The following TRARG1 variants were observed in gnomAD, a reference collection of about 807,000 sequenced individuals.
The protein encoded by TRARG1 is trafficking regulator of GLUT4 1.
In TRARG1, 16 loss-of-function variants were observed where a neutral mutation model predicts 13.3. That is an observed-to-expected ratio of 1.20 (90% CI 0.81 to 1.83). The LOEUF is 1.83. Ranked by LOEUF, TRARG1 falls within the 40% of genes most tolerant of loss-of-function variation. The probability of loss-of-function intolerance (pLI) is 0.00; values close to 1 mark genes in which losing one functional copy is unlikely to be tolerated. For missense variants in TRARG1, 250 were observed against 237.4 expected, an observed-to-expected ratio of 1.05 and a Z score of -0.35; for synonymous variants, 113 against 106.2, an observed-to-expected ratio of 1.06 and a Z score of -0.39.
chr17:1,291,684 A>G (rs1174914583), intron 1 of TRARG1, among the ~76,000 whole-genome samples: 1 of 152,158 alleles, frequency 6.6e-6, no homozygotes, highest in African/African-American at 2.4e-5. Flanking sequence ...AGCACGAGAT[A>G]CACGTTCAAA....
Position 1,294,373 on chromosome 17 carries a change from C to T in TRARG1, c.388-1118C>T, listed in dbSNP as rs1474355551. 3.9e-5 allele frequency among the ~76,000 whole-genome samples: 6 copies of T among 152,052 alleles called. No homozygotes were observed. In the South Asian group the frequency reaches 8.3e-4, roughly 21 times the overall value. On this transcript the variant is annotated intron_variant, in intron 1 of 2. Coordinates refer to ENST00000333813, the MANE Select transcript of TRARG1 (RefSeq NM_172367.3). ...CAGTCCTGGTCTCCCCAGGCAACCA[C>T]GAGGCCATTCATTCTTTTGTGTGAT... is the stretch of plus-strand genomic sequence containing the variant.
intron 1 of TRARG1, among the ~76,000 whole-genome samples, chr17:1,282,280 A>ATGTGCATATGCGTATATG (rs1567928319): frequency 6.8e-6 from 1 of 147,412 alleles, no homozygotes; most frequent in African/African-American, 2.7e-5. Context: ...ATGCACGTAT[A>ATGTGCATATGCGTATATG]TGTACATATA....
rs190391775 is a variant in TRARG1 at position 1,296,703 on chromosome 17, G to T, written c.520+1080G>T. On this transcript the variant is annotated intron_variant, in intron 2 of 2. Transcript: ENST00000333813. The stretch of plus-strand genomic sequence containing the variant: ...ATTTTGTATTTTTAGTAGAGATGGG[G>T]TTTCATCATATCAGTCAGGCTGGTC... Among the ~76,000 whole-genome samples the T allele has an allele frequency of 3.1e-3, 476 of 152,032 alleles. 4 individuals are homozygous for T. The highest frequency in any genetic ancestry group is 0.011 in the African/African-American group (450 of 41,478).
chr17:1,285,432 C>G (rs1033684467), intron 1 of TRARG1, among the ~76,000 whole-genome samples: 4 of 148,970 alleles, frequency 2.7e-5, no homozygotes, highest in Admixed American at 6.7e-5. Flanking sequence ...GAGGGCTGGG[C>G]TCAGTGGCTC....
Position 1,279,968 on chromosome 17 carries a change from C to T in TRARG1, c.-34C>T. ...GTCCCTCCAGAGCCCCTTGTCCCAG[C>T]CTGGAGCTGCAGCCGCGCAAGGCCC... On this transcript the variant is annotated 5_prime_UTR_variant, in exon 1 of 3. Transcript: ENST00000333813. 2 of 1,581,060 alleles carry T rather than the reference C, an allele frequency of 1.3e-6. No individual in the cohort carries two copies. Among genetic ancestry groups the T allele is most frequent in the Non-Finnish European group, 1.7e-6 (2 of 1,162,708 alleles).
chr17:1,283,936 C>A (rs2072002215), intron 1 of TRARG1, among the ~76,000 whole-genome samples: 1 of 151,928 alleles, frequency 6.6e-6, no homozygotes, highest in Non-Finnish European at 1.5e-5. Context: ...CACGGTGAAT[C>A]CCCATCTCTA....
chr17:1,293,880 A>G (rs752596076), intron 1 of TRARG1, among the ~76,000 whole-genome samples: 3 of 152,140 alleles, frequency 2.0e-5, no homozygotes, highest in Non-Finnish European at 2.9e-5. Flanking sequence ...TCTGACACTC[A>G]GTTTCTTCCT....
chr17:1,292,636 G>C (rs62091062), intron 1 of TRARG1, among the ~76,000 whole-genome samples: 9,158 of 152,268 alleles, frequency 0.06, 387 homozygotes, highest in Middle Eastern at 0.092. Context: ...TGTTATCTCT[G>C]CCTGGGATAC....
intron 2 of TRARG1, 28 bp from the exon 3 acceptor site, chr17:1,298,223 C>G: frequency 6.2e-7 from 1 of 1,613,724 alleles, no homozygotes; most frequent in East Asian, 2.2e-5. Context: ...GAGCCCTGTT[C>G]TGCCATATCT....
At chr17:1,283,398 A>G (rs2071997732) in intron 1 of TRARG1, among the ~76,000 whole-genome samples, 1 of 152,178 alleles carries the variant, frequency 6.6e-6, no homozygotes, top group Non-Finnish European at 1.5e-5. Flanking sequence ...TGTTTTAGAA[A>G]TGGCTTTGTT....
At chr17:1,288,786 C>T (rs192950607) in intron 1 of TRARG1, among the ~76,000 whole-genome samples, 3 of 25,734 alleles carry the variant, frequency 1.2e-4, no homozygotes, top group African/African-American at 1.8e-4. Flanking sequence ...CACGGGCTCC[C>T]CATCCCCCTC....
chr17:1,282,057 T>TACATGTATAC (rs1555630757), intron 1 of TRARG1, among the ~76,000 whole-genome samples: 1 of 63,918 alleles, frequency 1.6e-5, no homozygotes, highest in Non-Finnish European at 3.1e-5. Flanking sequence ...TACACATATG[T>TACATGTATAC]ACATGTATAC....
At chr17:1,283,298 C>A (rs949016639) in intron 1 of TRARG1, among the ~76,000 whole-genome samples, 14 of 152,124 alleles carry the variant, frequency 9.2e-5, no homozygotes, top group African/African-American at 2.9e-4. Context: ...TGCTTCAGAA[C>A]AACACCAGGA....
At chr17:1,282,014 A>G (rs906026614) in intron 1 of TRARG1, among the ~76,000 whole-genome samples, 3 of 145,800 alleles carry the variant, frequency 2.1e-5, no homozygotes, top group African/African-American at 7.6e-5. Flanking sequence ...ACACATATGT[A>G]CATATACATA....
intron 1 of TRARG1, 27 bp downstream of exon 1, chr17:1,280,415 C>A: frequency 1.3e-6 from 2 of 1,548,664 alleles, no homozygotes; most frequent in South Asian, 1.2e-5. Flanking sequence ...GTTCCAGGGG[C>A]AGGGGCTGGG....
intron 1 of TRARG1, among the ~76,000 whole-genome samples, chr17:1,281,186 T>A (rs891482453): frequency 4.6e-5 from 7 of 152,174 alleles, no homozygotes; most frequent in Non-Finnish European, 1.0e-4. Flanking sequence ...TAGAGCTACT[T>A]ATAAAGGATT....
intron 1 of TRARG1, among the ~76,000 whole-genome samples, chr17:1,295,126 G>A (rs2150812111): frequency 6.6e-6 from 1 of 152,310 alleles, no homozygotes; most frequent in South Asian, 2.1e-4. Flanking sequence ...TGGGGTCCGG[G>A]GGCACCTGGC....
intron 2 of TRARG1, among the ~76,000 whole-genome samples, chr17:1,298,020 C>G (rs115466384): frequency 6.6e-6 from 1 of 152,172 alleles, no homozygotes; most frequent in Non-Finnish European, 1.5e-5. Context: ...TGCATGCCCA[C>G]CTCTGACCCA....
chr17:1,298,471 G>A lies in TRARG1; in HGVS notation c.*207G>A, dbSNP rs564107305. Reference sequence around the variant, plus strand: ...CTGGAGCGAGGAAGGAAAGCACAGCGAACCCAATGGGTAACGTGGTTTACT... The same window carrying A: ...CTGGAGCGAGGAAGGAAAGCACAGCAAACCCAATGGGTAACGTGGTTTACT... On this transcript the variant is annotated 3_prime_UTR_variant, in exon 3 of 3. Coordinates refer to ENST00000333813, the MANE Select transcript of TRARG1 (RefSeq NM_172367.3). The A allele has an allele frequency of 1.6e-3, 829 of 534,600 alleles. 1 individual carries two copies. The highest frequency in any genetic ancestry group is 2.3e-3 in the Admixed American group (72 of 30,972). The allele number at this position is 534,600 out of a possible 1,614,324, so 33.1% of individuals were successfully genotyped here.
Sources: allele counts gnomAD v4.1 joint callset (sites outside exome capture counted in the v4.1 genomes callset), GRCh38; gene constraint gnomAD v4.1.1; transcripts MANE v1.5; gene names NCBI Gene and HGNC (gene_info 2026-07-23, HGNC 2026-07-21).